ATP6V0D2: variants seen among roughly 807,000 people sequenced by gnomAD.
ATP6V0D2 encodes V-type proton ATPase subunit d 2.
Under a neutral mutation model 40.0 loss-of-function variants are expected in ATP6V0D2, and 40 were observed. The ratio of observed to expected loss-of-function variants is 1.00; its 90% confidence interval spans 0.78 to 1.30. ATP6V0D2 has a LOEUF of 1.30. Among genes scored for constraint, ATP6V0D2 ranks in the 50% most tolerant of loss-of-function variants. ATP6V0D2 has a pLI of 0.00. For missense variants in ATP6V0D2, 470 were observed against 423.1 expected, an observed-to-expected ratio of 1.11 and a Z score of -0.97; for synonymous variants, 179 against 156.3, an observed-to-expected ratio of 1.15 and a Z score of -1.08.
At chr8:86,132,348 T>A (rs896352728) in intron 2 of ATP6V0D2, among the ~76,000 whole-genome samples, 1 of 152,136 alleles carries the variant, frequency 6.6e-6, no homozygotes, top group African/African-American at 2.4e-5. Flanking sequence ...GAACCATCAG[T>A]CTATTTTGTA....
At chr8:86,135,499 G>A (rs1818884611) in intron 2 of ATP6V0D2, among the ~76,000 whole-genome samples, 1 of 152,174 alleles carries the variant, frequency 6.6e-6, no homozygotes, top group Admixed American at 6.5e-5. Flanking sequence ...TCTTGGGTAA[G>A]GTATTTAGTA....
chr8:86,099,144 A>AAC lies in ATP6V0D2; in HGVS notation c.130+37_130+38insCA, dbSNP rs1443071556. On this transcript the variant is annotated intron_variant, in intron 1 of 7. Transcript: ENST00000285393. ...CTCTTCTCACCCTTTAAAAAGAAAAAAAAAAAAATGAAATGATGTCCCTCT... is the reference window on the plus strand; with the variant it reads ...CTCTTCTCACCCTTTAAAAAGAAAAAACAAAAAAAATGAAATGATGTCCCTCT... 6 of 1,560,576 alleles carry AAC rather than the reference A, an allele frequency of 3.8e-6. 1 individual carries two copies. Among genetic ancestry groups the AAC allele is most frequent in the Middle Eastern group, 1.7e-4 (1 of 5,802 alleles).
At chr8:86,129,479 C>A (rs1228574951) in intron 2 of ATP6V0D2, among the ~76,000 whole-genome samples, 2 of 150,424 alleles carry the variant, frequency 1.3e-5, no homozygotes, top group Non-Finnish European at 3.0e-5. Flanking sequence ...AGTTTGAGAC[C>A]AGCCTAGGCA....
At chr8:86,135,301 T>C (rs184199761) in intron 2 of ATP6V0D2, among the ~76,000 whole-genome samples, 31 of 152,362 alleles carry the variant, frequency 2.0e-4, no homozygotes, top group African/African-American at 7.2e-4. Context: ...GTAGTTATCA[T>C]ACAGAAAATA....
chr8:86,139,302 C>T (rs1350734077), intron 2 of ATP6V0D2, among the ~76,000 whole-genome samples, 155 bp from the exon 3 acceptor site: 1 of 151,578 alleles, frequency 6.6e-6, no homozygotes, highest in Non-Finnish European at 1.5e-5. Context: ...TATTTTTCTC[C>T]ACATCTCCTA....
chr8:86,110,549 G>A (rs1586086502), intron 1 of ATP6V0D2, among the ~76,000 whole-genome samples: 1 of 152,182 alleles, frequency 6.6e-6, no homozygotes, highest in Admixed American at 6.5e-5. Context: ...AGTCTGCTGC[G>A]AGTTGGAAGG....
chr8:86,142,425 T>G (rs1353206087), intron 4 of ATP6V0D2, among the ~76,000 whole-genome samples: 2 of 152,142 alleles, frequency 1.3e-5, no homozygotes, highest in South Asian at 4.1e-4. Flanking sequence ...CGTATTAGAG[T>G]TGGGATCCAA....
chr8:86,118,078 T>C (rs1818617443), intron 2 of ATP6V0D2, among the ~76,000 whole-genome samples: 1 of 108,754 alleles, frequency 9.2e-6, no homozygotes, highest in Admixed American at 9.8e-5. Context: ...TCCTTCTTTC[T>C]TTCTTTCTTT....
chr8:86,099,212 G>A, intron 1 of ATP6V0D2, 104 bp downstream of exon 1: 3 of 1,306,042 alleles, frequency 2.3e-6, no homozygotes, highest in Non-Finnish European at 3.0e-6. Context: ...TATGGTTTGA[G>A]AGTTCTGAGC....
In ATP6V0D2 at chr8:86,152,686, G is replaced by C; in HGVS notation, c.892-130G>C. On this transcript the variant is annotated intron_variant, in intron 7 of 7. Coordinates refer to ENST00000285393, the MANE Select transcript of ATP6V0D2 (RefSeq NM_152565.1). ...AGTTGTCACCATACTCCTCTATTTGGCCCAATTTAGAGATTGCCTGTTTAA... is the reference window on the plus strand; with the variant it reads ...AGTTGTCACCATACTCCTCTATTTGCCCCAATTTAGAGATTGCCTGTTTAA... The C allele has an allele frequency of 5.2e-6, 4 of 776,130 alleles. No individual in the cohort carries two copies. The South Asian group carries it at 1.2e-4, about 22-fold the overall frequency. The allele number at this position is 776,130 out of a possible 1,614,324, so 48.1% of individuals were successfully genotyped here. A position where few individuals can be genotyped will look rare whatever the true frequency, so the allele number is the denominator to read the frequency against.
At chr8:86,142,066 A>G (rs922383435) in intron 4 of ATP6V0D2, among the ~76,000 whole-genome samples, 2 of 152,228 alleles carry the variant, frequency 1.3e-5, no homozygotes, top group African/African-American at 2.4e-5. Flanking sequence ...GAGTAGCTGT[A>G]TATACTTTAG....
intron 1 of ATP6V0D2, among the ~76,000 whole-genome samples, chr8:86,105,616 C>CCTTT (rs1554587051): frequency 7.6e-6 from 1 of 131,170 alleles, no homozygotes; most frequent in Non-Finnish European, 1.6e-5. Context: ...CTTCTTTTTT[C>CCTTT]TTTTCTTTTT....
intron 2 of ATP6V0D2, among the ~76,000 whole-genome samples, chr8:86,129,000 T>G (rs771958745): frequency 6.6e-6 from 1 of 152,226 alleles, no homozygotes; most frequent in Non-Finnish European, 1.5e-5. Context: ...TTCAAATGTT[T>G]TACATTAAAG....
At chr8:86,138,834 C>T (rs1407966541) in intron 2 of ATP6V0D2, among the ~76,000 whole-genome samples, 2 of 152,198 alleles carry the variant, frequency 1.3e-5, no homozygotes, top group Admixed American at 1.3e-4. Flanking sequence ...ACCCTCACCC[C>T]CCACCATCAC....
At chr8:86,100,975 G>A (rs1022740489) in intron 1 of ATP6V0D2, among the ~76,000 whole-genome samples, 5 of 151,418 alleles carry the variant, frequency 3.3e-5, no homozygotes, top group South Asian at 2.1e-4. Flanking sequence ...GTAAAACCCC[G>A]TGTCTACTAG....
At chr8:86,149,448 G>C (rs947005732) in intron 5 of ATP6V0D2, among the ~76,000 whole-genome samples, 1 of 152,104 alleles carries the variant, frequency 6.6e-6, no homozygotes, top group Non-Finnish European at 1.5e-5. Context: ...GACCTACCTG[G>C]AAGATCATGT....
At chr8:86,136,437 T>C (rs1818898892) in intron 2 of ATP6V0D2, among the ~76,000 whole-genome samples, 1 of 152,144 alleles carries the variant, frequency 6.6e-6, no homozygotes, top group African/African-American at 2.4e-5. Context: ...ATTAAATGTC[T>C]GGAGTCTGCT....
chr8:86,151,637 C>T (rs1819154747), intron 7 of ATP6V0D2, 97 bp downstream of exon 7: 13 of 894,134 alleles, frequency 1.5e-5, no homozygotes, highest in Admixed American at 7.8e-5. Context: ...GCTGATCATG[C>T]CAATTGATTA....
In ATP6V0D2 at chr8:86,153,673, ACTGT is replaced by A. The variant is rs761403619; in HGVS notation, c.*701_*704del. On this transcript the variant is annotated 3_prime_UTR_variant, in exon 8 of 8. Coordinates refer to ENST00000285393, the MANE Select transcript of ATP6V0D2 (RefSeq NM_152565.1). ...TGTGCTGGGCTTCATTTACATTTTAACTGTCTGTTCCTTGCCTAGATTCACAGAA... is the reference window on the plus strand; with the variant it reads ...TGTGCTGGGCTTCATTTACATTTTAACTGTTCCTTGCCTAGATTCACAGAA... 2 of 152,014 alleles carry A rather than the reference ACTGT, an allele frequency of 1.3e-5. No homozygotes were observed. Among genetic ancestry groups the A allele is most frequent in the African/African-American group, 2.4e-5 (1 of 41,372 alleles). The allele number at this position is 152,014 out of a possible 1,614,324, so 9.4% of individuals were successfully genotyped here. A position where few individuals can be genotyped will look rare whatever the true frequency, so the allele number is the denominator to read the frequency against.
Sources: gnomAD v4.1 joint callset for allele counts (sites outside exome capture counted in the v4.1 genomes callset) on GRCh38, gnomAD v4.1.1 for gene constraint, MANE v1.5 for transcripts, NCBI Gene and HGNC (gene_info 2026-07-23, HGNC 2026-07-21) for gene names.